The following RSPH14 variants were observed in gnomAD, a reference collection of about 807,000 sequenced individuals.
RSPH14 encodes rhabdoid tumor deletion region gene 1.
A neutral mutation model predicts 26.7 loss-of-function variants in RSPH14; 20 were observed. That is an observed-to-expected ratio of 0.75 (90% confidence interval 0.53 to 1.09). The LOEUF (loss-of-function observed/expected upper bound fraction) is 1.09, where lower values mean the gene tolerates loss of function less well. Ranked by LOEUF, RSPH14 falls within the 50% of genes least tolerant of loss-of-function variation. RSPH14 has a pLI of 0.00. For synonymous variants in RSPH14, 177 were observed against 189.3 expected (o/e 0.93, Z 0.53); for missense variants, 449 against 457.2 (o/e 0.98, Z 0.16).
At chr22:23,172,652 CAAAA>C in the RSPH14 span, among the ~76,000 whole-genome samples, 6 of 45,338 alleles carry the variant, frequency 1.3e-4, no homozygotes, top group Admixed American at 1.5e-3. Context: ...GAATCCGTCT[CAAAA>C]AAAAAAAAAA....
chr22:23,123,844 G>A (rs1051875), intron 4 of RSPH14: 108,253 of 220,934 alleles, frequency 0.49, 27,599 homozygotes, highest in Middle Eastern at 0.58. Context: ...CACCCCTGTC[G>A]CCTGGAGGAG....
intron 4 of RSPH14, chr22:23,096,530 A>G (rs1350489063): frequency 2.2e-5 from 25 of 1,145,776 alleles, no homozygotes; most frequent in Non-Finnish European, 3.1e-5. Flanking sequence ...AACCAGGCGC[A>G]GGCCTGGCCC....
At chr22:23,165,391 G>C in the RSPH14 span, among the ~76,000 whole-genome samples, 1 of 152,188 alleles carries the variant, frequency 6.6e-6, no homozygotes, top group East Asian at 1.9e-4. Context: ...GTCTGACCCA[G>C]AGACCCTCAC....
At chr22:23,177,983 T>C in the RSPH14 span, among the ~76,000 whole-genome samples, 1 of 152,192 alleles carries the variant, frequency 6.6e-6, no homozygotes, top group Admixed American at 6.6e-5. Flanking sequence ...AATTTTTTTG[T>C]AGAGATGGAG....
intron 3 of RSPH14, chr22:23,136,131 T>G (rs1204400688): frequency 1.6e-6 from 1 of 630,936 alleles, no homozygotes; most frequent in African/African-American, 1.8e-5. Context: ...AGTCACCCAC[T>G]CCATGTCTCT....
At chr22:23,129,701 C>T (rs1041512340) in intron 4 of RSPH14, among the ~76,000 whole-genome samples, 2 of 151,882 alleles carry the variant, frequency 1.3e-5, no homozygotes, top group African/African-American at 2.4e-5. Flanking sequence ...GCAGGAGGAT[C>T]GTGAGGTCAG....
intron 4 of RSPH14, among the ~76,000 whole-genome samples, chr22:23,118,060 G>A (rs551580579): frequency 6.6e-6 from 1 of 152,380 alleles, no homozygotes; most frequent in Admixed American, 6.5e-5. Flanking sequence ...GGGATGGGCT[G>A]TCAGCTCCCC....
intron 4 of RSPH14, among the ~76,000 whole-genome samples, chr22:23,109,357 C>A (rs374247967): frequency 6.6e-6 from 1 of 152,158 alleles, no homozygotes; most frequent in South Asian, 2.1e-4. Context: ...TCTGCCCCCA[C>A]CCTTTAGGAT....
At chr22:23,107,942 G>A (rs1027356878) in intron 4 of RSPH14, among the ~76,000 whole-genome samples, 3 of 152,142 alleles carry the variant, frequency 2.0e-5, no homozygotes, top group Non-Finnish European at 2.9e-5. Context: ...GGCCTGCTGC[G>A]GGGGAGGAAG....
At chr22:23,171,782 C>A in the RSPH14 span, among the ~76,000 whole-genome samples, 7 of 133,654 alleles carry the variant, frequency 5.2e-5, no homozygotes, top group African/African-American at 1.7e-4. Context: ...GTAGAGATTG[C>A]GGTGAGCTGA....
In RSPH14 at chr22:23,061,792, A is replaced by C. The variant is rs780504357; in HGVS notation, c.790+17T>G. On this transcript the variant is annotated intron_variant, in intron 6 of 6. Transcript: ENST00000216036. Reference sequence around the variant, plus strand: ...CTGCTAGGGTCTCCCTCCCTGCGGCACCCCCCACCGCCTCACCTTCAGTGA... The same window carrying C: ...CTGCTAGGGTCTCCCTCCCTGCGGCCCCCCCCACCGCCTCACCTTCAGTGA... The C allele has an allele frequency of 6.2e-7, 1 of 1,611,902 alleles. No homozygotes were observed. The highest frequency in any genetic ancestry group is 1.3e-5 in the African/African-American group (1 of 74,340).
chr22:23,178,778 C>G, the RSPH14 span, among the ~76,000 whole-genome samples: 1 of 152,192 alleles, frequency 6.6e-6, no homozygotes, highest in African/African-American at 2.4e-5. Flanking sequence ...TATGTTTGCC[C>G]CATCTGGGCA....
At chr22:23,137,043 G>A (rs2070495357) in intron 3 of RSPH14, among the ~76,000 whole-genome samples, 1 of 138,746 alleles carries the variant, frequency 7.2e-6, no homozygotes, top group South Asian at 2.3e-4. Flanking sequence ...GCTAGCCATG[G>A]CACCACCTCC....
At chr22:23,153,855 AT>A in the RSPH14 span, among the ~76,000 whole-genome samples, 1 of 151,598 alleles carries the variant, frequency 6.6e-6, no homozygotes, top group African/African-American at 2.4e-5. Context: ...CAGCTAATTT[AT>A]TTTTGTATTT....
At chr22:23,123,362 CCA>C in intron 4 of RSPH14, 1 of 1,614,054 alleles carries the variant, frequency 6.2e-7, no homozygotes, top group Non-Finnish European at 8.5e-7. Context: ...CCAGTAACAT[CCA>C]GTTTGTCTTC....
At chr22:23,098,339 C>A (rs8139779) in intron 4 of RSPH14, among the ~76,000 whole-genome samples, 7 of 152,280 alleles carry the variant, frequency 4.6e-5, no homozygotes, top group Non-Finnish European at 1.5e-5. Flanking sequence ...AGCCCGGCAC[C>A]TGCTTACTCC....
intron 4 of RSPH14, among the ~76,000 whole-genome samples, chr22:23,113,979 G>T (rs1189188234): frequency 6.6e-6 from 1 of 152,242 alleles, no homozygotes; most frequent in East Asian, 1.9e-4. Context: ...CCCCACCAAG[G>T]TGTCCCCAAG....
At chr22:23,091,473 G>T (rs534585387) in intron 4 of RSPH14, among the ~76,000 whole-genome samples, 6 of 147,410 alleles carry the variant, frequency 4.1e-5, no homozygotes, top group African/African-American at 1.5e-4. Context: ...CACACACACC[G>T]CAATGGACCT....
chr22:23,143,469 C>T (rs2070636932), upstream of RSPH14, among the ~76,000 whole-genome samples: 3 of 152,146 alleles, frequency 2.0e-5, no homozygotes, highest in South Asian at 6.2e-4. Context: ...TCACCTGAGA[C>T]TAAGAATTGG....
Sources: gnomAD v4.1 joint callset for allele counts (sites outside exome capture counted in the v4.1 genomes callset) on GRCh38, gnomAD v4.1.1 for gene constraint, MANE v1.5 for transcripts, NCBI Gene and HGNC (gene_info 2026-07-23, HGNC 2026-07-21) for gene names.